The following PGAP4 variants were observed in gnomAD, a reference collection of about 807,000 sequenced individuals.
The protein encoded by PGAP4 is post-GPI attachment to proteins GalNAc transferase 4, also known as GPI-N-acetylgalactosamine transferase PGAP4.
In PGAP4, 12 loss-of-function variants were observed where a neutral mutation model predicts 28.2. The observed-to-expected ratio is 0.42, with a 90% CI of 0.27 to 0.69. PGAP4 has a LOEUF of 0.69. Among genes scored for constraint, PGAP4 ranks in the 30% least tolerant of loss-of-function variants. PGAP4 has a pLI of 0.22. For missense variants in PGAP4, 425 were observed against 513.5 expected, an observed-to-expected ratio of 0.83 and a Z score of 1.67; for synonymous variants, 205 against 211.8, an observed-to-expected ratio of 0.97 and a Z score of 0.28.
In PGAP4 at chr9:101,474,278, G is replaced by T. The variant is rs1264601816; in HGVS notation, c.*1603C>A. 5 of 152,154 alleles carry T rather than the reference G, an allele frequency of 3.3e-5. No homozygotes were observed. Among genetic ancestry groups the T allele is most frequent in the Non-Finnish European group, 7.3e-5 (5 of 68,046 alleles). 9.4% of individuals were successfully genotyped at this position (152,154 alleles called of 1,614,324 possible). A position where few individuals can be genotyped will look rare whatever the true frequency, so the allele number is the denominator to read the frequency against. On this transcript the variant is annotated 3_prime_UTR_variant, in exon 2 of 2. Coordinates refer to ENST00000374848, the MANE Select transcript of PGAP4 (RefSeq NM_032342.3). ...ATCAACCTTTATGTAATCCTTCTGT[G>T]TTGAGTGGGTCTCAAGATGGAAGCT...
chr9:101,498,389 T>C (rs1021545406), intron 2 of PGAP4, among the ~76,000 whole-genome samples: 1 of 151,940 alleles, frequency 6.6e-6, no homozygotes, highest in Non-Finnish European at 1.5e-5. Flanking sequence ...TTGTACACAA[T>C]TGCTAATCAG....
rs1382965110 is a variant in PGAP4 at position 101,486,400 on chromosome 9, C to A, written c.-78+549G>T. Among the ~76,000 whole-genome samples, 1 of 152,208 alleles carries A rather than the reference C, an allele frequency of 6.6e-6. No individual in the cohort carries two copies. Among genetic ancestry groups the A allele is most frequent in the African/African-American group, 2.4e-5 (1 of 41,470 alleles). Reference sequence around the variant, plus strand: ...CCTCTGCCCAGTCGCCCTCCCCCAGCCCTTGGCTGCGAGGTCGCCCGCAGA... The same window carrying A: ...CCTCTGCCCAGTCGCCCTCCCCCAGACCTTGGCTGCGAGGTCGCCCGCAGA... On this transcript the variant is annotated intron_variant, in intron 1 of 1. Transcript: ENST00000374848. This position sits in a 1 kb window ranked among gnomAD's most constrained non-coding sequence, Gnocchi z 4.7.
intron 2 of PGAP4, among the ~76,000 whole-genome samples, chr9:101,521,955 G>T (rs950929572): frequency 2.0e-5 from 3 of 152,014 alleles, no homozygotes; most frequent in Non-Finnish European, 4.4e-5. Context: ...TTTCCATCTT[G>T]ATTTCATTTT....
At chr9:101,529,681 G>C (rs974507443) in intron 2 of PGAP4, among the ~76,000 whole-genome samples, 67 of 152,304 alleles carry the variant, frequency 4.4e-4, no homozygotes, top group Middle Eastern at 3.4e-3. Context: ...AGGTGATCTG[G>C]GGAGAAGGAG....
At position 101,473,576 on chromosome 9, in the gene PGAP4, T is replaced by C. The variant is rs1298735981; in HGVS notation, c.*2305A>G. 4.6e-5 allele frequency: 7 copies of C among 152,206 alleles called. No individual in the cohort carries two copies. Among genetic ancestry groups the C allele is most frequent in the Admixed American group, 4.6e-4 (7 of 15,270 alleles). 9.4% of individuals were successfully genotyped at this position (152,206 alleles called of 1,614,324 possible). ...GTTCACTCCATGGGGAAAAGGCATG[T>C]TAGTGTGTAGGTAGAGAAACTGGAC... On this transcript the variant is annotated 3_prime_UTR_variant, in exon 2 of 2. Coordinates refer to ENST00000374848, the MANE Select transcript of PGAP4 (RefSeq NM_032342.3).
upstream of PGAP4, among the ~76,000 whole-genome samples, chr9:101,490,469 C>T (rs546374002): frequency 6.7e-3 from 1,014 of 152,288 alleles, 10 homozygotes; most frequent in Non-Finnish European, 8.7e-3. Flanking sequence ...GGATTACAGG[C>T]GTGAGCCACT....
Position 101,484,663 on chromosome 9 carries a change from A to C in PGAP4, c.-78+2286T>G, listed in dbSNP as rs139765294. On this transcript the variant is annotated intron_variant, in intron 1 of 1. Transcript: ENST00000374848. ...TCTGCTTTCTCACATGTAAACCGGAAAGAGAGCCCTCACCAAAACTTGACC... is the reference window on the plus strand; with the variant it reads ...TCTGCTTTCTCACATGTAAACCGGACAGAGAGCCCTCACCAAAACTTGACC... 8.2e-3 allele frequency among the ~76,000 whole-genome samples: 1,249 copies of C among 152,250 alleles called. 8 individuals carry two copies. Among genetic ancestry groups the C allele is most frequent in the Admixed American group, 0.014 (213 of 15,298 alleles).
intron 2 of PGAP4, among the ~76,000 whole-genome samples, chr9:101,503,505 G>A (rs1826820954): frequency 6.6e-6 from 1 of 151,904 alleles, no homozygotes; most frequent in African/African-American, 2.4e-5. Flanking sequence ...GTAGTTTCAA[G>A]GATGTTTATT....
In PGAP4 at chr9:101,486,492, TC is replaced by T. The variant is rs577166687; in HGVS notation, c.-78+456del. Among the ~76,000 whole-genome samples the T allele has an allele frequency of 4.6e-5, 7 of 152,040 alleles. No individual in the cohort carries two copies. In the South Asian group the frequency reaches 1.0e-3, roughly 23 times the overall value. ...CTAAGGTGTGGACGCGCCGCGAGGG[TC>T]CCCTGCTTGCGGGCGGCCATTAGGC... On this transcript the variant is annotated intron_variant, in intron 1 of 1. Transcript: ENST00000374848. The surrounding 1 kb of genome is among the most constrained non-coding windows in gnomAD (Gnocchi z 4.7).
intron 2 of PGAP4, among the ~76,000 whole-genome samples, chr9:101,492,743 T>G (rs1290681840): frequency 1.3e-5 from 2 of 152,122 alleles, no homozygotes; most frequent in Non-Finnish European, 2.9e-5. Flanking sequence ...CCCCTAAGTA[T>G]CTTTCCTGTG....
At chr9:101,532,562 C>A (rs1827109327) in intron 1 of PGAP4, 1 of 152,162 alleles carries the variant, frequency 6.6e-6, no homozygotes, top group South Asian at 2.1e-4. Context: ...CCATTACTTG[C>A]CATTCAGTAG....
upstream of PGAP4, among the ~76,000 whole-genome samples, chr9:101,491,812 GATATATAT>G (rs58209077): frequency 2.1e-3 from 221 of 106,262 alleles, no homozygotes; most frequent in African/African-American, 5.9e-3. Context: ...AATCTTAAAG[GATATATAT>G]ATATATATAT....
At position 101,476,649 on chromosome 9, in the gene PGAP4, A is replaced by G; in HGVS notation, c.444T>C (p.Arg148=). The G allele has an allele frequency of 6.2e-7, 1 of 1,614,166 alleles. No individual in the cohort carries two copies. The highest frequency in any genetic ancestry group is 8.5e-7 in the Non-Finnish European group (1 of 1,180,034). The change falls in exon 2 of 2, where the codon CGT becomes CGC. Residue 148 remains arginine, a synonymous_variant. Coordinates refer to ENST00000374848, the MANE Select transcript of PGAP4 (RefSeq NM_032342.3). This position sits in a 1 kb window ranked among gnomAD's most constrained non-coding sequence, Gnocchi z 7.0. ...ACTTGGCATCAAAATGGCTCACACT[A>G]CGCTCCACGTTGCACAGGAAGAGTT... ...GHQLFLCNVE[R]SVSHFDAKLL...
intron 2 of PGAP4, among the ~76,000 whole-genome samples, chr9:101,514,289 T>C (rs755565242): frequency 2.0e-5 from 3 of 152,200 alleles, no homozygotes; most frequent in Non-Finnish European, 2.9e-5. Context: ...GTGTCTCTCA[T>C]GTTTTTGTCT....
Position 101,475,992 on chromosome 9 carries a change from G to A in PGAP4, c.1101C>T (p.Tyr367=). 4.3e-6 allele frequency: 7 copies of A among 1,614,182 alleles called. No homozygotes were observed. The South Asian group carries it at 5.5e-5, about 13-fold the overall frequency. Residue 367 remains tyrosine, a synonymous_variant, in exon 2 of 2, where the codon TAC becomes TAT. Transcript: ENST00000374848. ...HKGFGKDMAL[Y]SLLRAKGERA... is the part of the protein sequence containing the mutation. ...TCTCTCCCTTGGCCCTCAACAGCGA[G>A]TACAGTGCCATGTCCTTGCCAAAGC...
At chr9:101,511,681 A>G (rs1340586198) in intron 2 of PGAP4, among the ~76,000 whole-genome samples, 2 of 152,154 alleles carry the variant, frequency 1.3e-5, no homozygotes, top group Non-Finnish European at 2.9e-5. Flanking sequence ...ATAAAATTGC[A>G]AACATTATTT....
chr9:101,527,750 T>C (rs939980144), intron 2 of PGAP4, among the ~76,000 whole-genome samples: 1 of 152,220 alleles, frequency 6.6e-6, no homozygotes, highest in African/African-American at 2.4e-5. Flanking sequence ...ACAAATTAAA[T>C]ATAAACAAGG....
chr9:101,521,883 T>C (rs1184740532), intron 2 of PGAP4, among the ~76,000 whole-genome samples: 1 of 152,186 alleles, frequency 6.6e-6, no homozygotes, highest in Non-Finnish European at 1.5e-5. Context: ...TTGCCTTTGC[T>C]GGATCCCAGA....
chr9:101,528,307 T>C (rs1827053880), intron 2 of PGAP4, among the ~76,000 whole-genome samples: 1 of 152,168 alleles, frequency 6.6e-6, no homozygotes. Flanking sequence ...GAGGGGTCTC[T>C]AATATGCACC....
Sources: gnomAD v4.1 joint callset for allele counts (sites outside exome capture counted in the v4.1 genomes callset) on GRCh38, gnomAD v4.1.1 for gene constraint, Gnocchi (gnomAD v3.1) non-coding constraint, MANE v1.5 for transcripts, NCBI Gene and HGNC (gene_info 2026-07-23, HGNC 2026-07-21) for gene names.